The following PNKD variants were observed in gnomAD, a reference collection of about 807,000 sequenced individuals.
PNKD encodes probable thioesterase PNKD.
A neutral mutation model predicts 45.3 loss-of-function variants in PNKD; 36 were observed. The ratio of observed to expected loss-of-function variants is 0.80; its 90% confidence interval spans 0.61 to 1.05. The LOEUF is 1.05. PNKD is among the 50% of genes least tolerant of loss of function. The pLI is 0.00. For missense variants in PNKD, 511 were observed against 506.6 expected, an observed-to-expected ratio of 1.01 and a Z score of -0.08; for synonymous variants, 197 against 210.1, an observed-to-expected ratio of 0.94 and a Z score of 0.54.
chr2:218,312,848 G>T (rs138493857), intron 2 of PNKD, among the ~76,000 whole-genome samples: 21 of 151,860 alleles, frequency 1.4e-4, no homozygotes, highest in Admixed American at 5.9e-4. Flanking sequence ...ACTCCAGCCC[G>T]GGTGACAGAG....
At chr2:218,291,513 C>T (rs1427811857) in intron 2 of PNKD, among the ~76,000 whole-genome samples, 2 of 152,164 alleles carry the variant, frequency 1.3e-5, no homozygotes, top group African/African-American at 2.4e-5. Context: ...CTCTGACCTG[C>T]GTTCCCAGGC....
chr2:218,278,141 G>T, intron 2 of PNKD: 1 of 690,654 alleles, frequency 1.4e-6, no homozygotes, highest in Non-Finnish European at 2.4e-6. Context: ...GGTACGCAGG[G>T]ACAACATGGG....
intron 2 of PNKD, among the ~76,000 whole-genome samples, chr2:218,312,106 T>C (rs960524156): frequency 1.3e-5 from 2 of 152,204 alleles, no homozygotes; most frequent in Admixed American, 1.3e-4. Flanking sequence ...GGGGCTAAAG[T>C]TACAGGTTAA....
chr2:218,325,127 C>T (rs1198344906), intron 2 of PNKD, among the ~76,000 whole-genome samples: 6 of 146,518 alleles, frequency 4.1e-5, no homozygotes, highest in Non-Finnish European at 4.5e-5. Flanking sequence ...TTGCAAACTC[C>T]TGACCTCATG....
chr2:218,341,176 G>A (rs1407542654), intron 5 of PNKD, among the ~76,000 whole-genome samples: 1 of 152,214 alleles, frequency 6.6e-6, no homozygotes, highest in East Asian at 1.9e-4. Context: ...CCCAACCTGG[G>A]CAACATAGTG....
rs553337577 is a variant in PNKD, at chr2:218,308,341, A to C, written c.237-31442A>C. 2.6e-5 allele frequency among the ~76,000 whole-genome samples: 4 copies of C among 151,714 alleles called. No homozygotes were observed. The South Asian group carries it at 8.4e-4, about 32-fold the overall frequency. On this transcript the variant is annotated intron_variant, in intron 2 of 9. Transcript: ENST00000273077. The stretch of plus-strand genomic sequence containing the variant: ...AGCTGGGATGATTCAGGCACCCGCC[A>C]CTACACCCAACTAATTTTTGTATTT...
At chr2:218,312,554 C>T (rs538378292) in intron 2 of PNKD, among the ~76,000 whole-genome samples, 1 of 124,492 alleles carries the variant, frequency 8.0e-6, no homozygotes, top group Non-Finnish European at 1.6e-5. Context: ...ATCTGCCACA[C>T]CCATGTTGTT....
At chr2:218,279,330 C>G (rs1165171363) in intron 2 of PNKD, 1 of 1,588,200 alleles carries the variant, frequency 6.3e-7, no homozygotes, top group East Asian at 2.2e-5. Flanking sequence ...TGATGAGCAG[C>G]TGCACGGAGA....
chr2:218,341,265 C>A (rs542735015), intron 5 of PNKD, among the ~76,000 whole-genome samples: 9 of 152,294 alleles, frequency 5.9e-5, no homozygotes, highest in African/African-American at 2.2e-4. Flanking sequence ...GGCCCAGGCA[C>A]GGTGTGATCA....
At chr2:218,279,317 C>T (rs757941477) in intron 2 of PNKD, 2 of 1,588,378 alleles carry the variant, frequency 1.3e-6, no homozygotes, top group Non-Finnish European at 1.7e-6. Flanking sequence ...ATGATGGCCA[C>T]AGTGATGAGC....
At chr2:218,295,331 T>C (rs1374550782) in intron 2 of PNKD, among the ~76,000 whole-genome samples, 1 of 152,214 alleles carries the variant, frequency 6.6e-6, no homozygotes, top group Non-Finnish European at 1.5e-5. Context: ...CTCAAGAAAC[T>C]CACAGTCTAA....
rs115212245 is a variant in PNKD at position 218,307,506 on chromosome 2, G to A, written c.237-32277G>A. On this transcript the variant is annotated intron_variant, in intron 2 of 9. Coordinates refer to ENST00000273077, the MANE Select transcript of PNKD (RefSeq NM_015488.5). ...ACATGCGCAGTTCACAATAGGGTGC[G>A]AGCTCCTATGAGAATCTAATGCTGC... Among the ~76,000 whole-genome samples the A allele has an allele frequency of 8.0e-3, 1,215 of 152,196 alleles. 19 individuals are homozygous for A. Among genetic ancestry groups the A allele is most frequent in the African/African-American group, 0.026 (1,063 of 41,524 alleles).
chr2:218,327,007 C>T (rs1014239318), intron 2 of PNKD: 8 of 152,900 alleles, frequency 5.2e-5, no homozygotes, highest in African/African-American at 1.9e-4. Flanking sequence ...CTCAGTTGCC[C>T]TTTTGCCTTC....
intron 7 of PNKD, 52 bp downstream of exon 7, chr2:218,342,196 C>A: frequency 6.6e-7 from 1 of 1,524,706 alleles, no homozygotes; most frequent in Non-Finnish European, 9.0e-7. Flanking sequence ...GAGACAGAAG[C>A]CAGGGCAGCC....
At chr2:218,309,155 A>G (rs1693517593) in intron 2 of PNKD, among the ~76,000 whole-genome samples, 1 of 152,012 alleles carries the variant, frequency 6.6e-6, no homozygotes, top group African/African-American at 2.4e-5. Flanking sequence ...ACCCACTACC[A>G]CGTTCAGCTA....
At chr2:218,285,453 G>A (rs1435232305) in intron 2 of PNKD, among the ~76,000 whole-genome samples, 2 of 152,026 alleles carry the variant, frequency 1.3e-5, no homozygotes, top group Non-Finnish European at 2.9e-5. Flanking sequence ...TGACACAAGT[G>A]GAAGCCAAAC....
At chr2:218,320,914 A>G (rs1248456358) in intron 2 of PNKD, among the ~76,000 whole-genome samples, 1 of 152,234 alleles carries the variant, frequency 6.6e-6, no homozygotes, top group Non-Finnish European at 1.5e-5. Context: ...TGCAGCAGAC[A>G]TTAGAAGTCT....
chr2:218,300,790 C>G (rs561338165), intron 2 of PNKD, among the ~76,000 whole-genome samples: 23 of 152,216 alleles, frequency 1.5e-4, no homozygotes, highest in African/African-American at 5.1e-4. Context: ...AGTGATCCAC[C>G]CACCTCTGCC....
At position 218,274,228 on chromosome 2, in the gene PNKD, T is replaced by C. The variant is rs539097463; in HGVS notation, c.236+2679T>C. The C allele has an allele frequency of 9.0e-4, 140 of 155,066 alleles. 1 individual carries two copies. The highest frequency in any genetic ancestry group is 2.2e-4 in the Non-Finnish European group (15 of 68,220). 9.6% of individuals were successfully genotyped at this position (155,066 alleles called of 1,614,324 possible). A position where few individuals can be genotyped will look rare whatever the true frequency, so the allele number is the denominator to read the frequency against. Reference sequence around the variant, plus strand: ...CTTCTAGACATAAACTTTATTACATTTATAGTTGTATCCCTTTGTGTGATA... The same window carrying C: ...CTTCTAGACATAAACTTTATTACATCTATAGTTGTATCCCTTTGTGTGATA... On this transcript the variant is annotated intron_variant, in intron 2 of 9. Coordinates refer to ENST00000273077, the MANE Select transcript of PNKD (RefSeq NM_015488.5).
Sources: allele counts gnomAD v4.1 joint callset (sites outside exome capture counted in the v4.1 genomes callset), GRCh38; gene constraint gnomAD v4.1.1; transcripts MANE v1.5; gene names NCBI Gene and HGNC (gene_info 2026-07-23, HGNC 2026-07-21).